The following RAD51B variants were observed in gnomAD, a reference collection of about 807,000 sequenced individuals.
The protein encoded by RAD51B is DNA repair protein RAD51 homolog 2.
RAD51B carries 38 observed loss-of-function variants against 42.2 expected under a neutral mutation model. The observed-to-expected ratio is 0.90, with a 90% CI of 0.70 to 1.18. The LOEUF is 1.18. RAD51B is among the 50% of genes most tolerant of loss of function. The pLI, the probability that RAD51B is intolerant of heterozygous loss-of-function variation, is 0.00. For missense variants in RAD51B, 373 were observed against 400.7 expected (o/e 0.93, Z 0.59); for synonymous variants, 154 against 145.2 (o/e 1.06, Z -0.43).
intron 7 of RAD51B, among the ~76,000 whole-genome samples, chr14:68,035,721 AG>A (rs1405537389): frequency 6.6e-6 from 1 of 152,232 alleles, no homozygotes; most frequent in Non-Finnish European, 1.5e-5. Flanking sequence ...TTCTCATGAA[AG>A]AGGCAAATGG....
intron 3 of RAD51B, among the ~76,000 whole-genome samples, chr14:67,828,228 C>T (rs2040900175): frequency 6.6e-6 from 1 of 151,992 alleles, no homozygotes; most frequent in Non-Finnish European, 1.5e-5. Flanking sequence ...ATGTGCATTT[C>T]TCTAATGATC....
chr14:68,660,368 T>C (rs77685489), intron 11 of RAD51B, among the ~76,000 whole-genome samples: 10,378 of 152,318 alleles, frequency 0.068, 502 homozygotes, highest in Middle Eastern at 0.13. Flanking sequence ...AATAAATGCT[T>C]AGTCTTTCTG....
chr14:68,649,937 C>T (rs933505191), intron 10 of RAD51B, among the ~76,000 whole-genome samples: 1 of 152,200 alleles, frequency 6.6e-6, no homozygotes, highest in Non-Finnish European at 1.5e-5. Flanking sequence ...TGCCTTAAGA[C>T]AGGCTGACCA....
At chr14:68,159,136 G>T (rs2140812214) in intron 7 of RAD51B, among the ~76,000 whole-genome samples, 1 of 152,066 alleles carries the variant, frequency 6.6e-6, no homozygotes, top group East Asian at 1.9e-4. Flanking sequence ...AGGGGAAATT[G>T]ATGGGGGTGT....
intron 7 of RAD51B, among the ~76,000 whole-genome samples, chr14:68,126,725 C>T (rs1489294284): frequency 6.6e-6 from 1 of 152,158 alleles, no homozygotes; most frequent in Non-Finnish European, 1.5e-5. Flanking sequence ...AAATTAGGTA[C>T]ACTTTCTAAC....
chr14:67,931,660 G>A (rs941870515), intron 7 of RAD51B, among the ~76,000 whole-genome samples: 6 of 151,746 alleles, frequency 4.0e-5, no homozygotes, highest in African/African-American at 1.5e-4. Context: ...CCACCACCAC[G>A]CCTGGCTAAT....
intron 10 of RAD51B, among the ~76,000 whole-genome samples, chr14:68,532,425 G>GA (rs910476844): frequency 1.3e-5 from 2 of 152,090 alleles, no homozygotes; most frequent in East Asian, 1.9e-4. Flanking sequence ...CAATTGGAAT[G>GA]AAAAAATCAT....
chr14:68,318,696 G>C (rs1309113045), intron 8 of RAD51B, among the ~76,000 whole-genome samples: 1 of 152,234 alleles, frequency 6.6e-6, no homozygotes, highest in African/African-American at 2.4e-5. Context: ...GGCTGCAGCT[G>C]TAGCTAGAGA....
intron 8 of RAD51B, among the ~76,000 whole-genome samples, chr14:68,361,775 G>A (rs1238165487): frequency 2.0e-5 from 3 of 152,028 alleles, no homozygotes; most frequent in African/African-American, 7.3e-5. Flanking sequence ...TCCCAGGTTC[G>A]AGAGATTCTT....
chr14:68,424,119 C>T (rs2084778030), intron 9 of RAD51B, among the ~76,000 whole-genome samples: 1 of 152,144 alleles, frequency 6.6e-6, no homozygotes, highest in Non-Finnish European at 1.5e-5. Context: ...ACCTAAGGGC[C>T]CAGGAGGTAT....
chr14:67,840,822 G>A (rs531981334), intron 4 of RAD51B, among the ~76,000 whole-genome samples: 2 of 130,310 alleles, frequency 1.5e-5, no homozygotes, highest in East Asian at 4.7e-4. Flanking sequence ...TTTTTTTTTT[G>A]GGACAGAGTC....
intron 7 of RAD51B, among the ~76,000 whole-genome samples, chr14:68,179,471 T>C (rs2079019334): frequency 1.3e-5 from 2 of 152,212 alleles, no homozygotes; most frequent in South Asian, 4.1e-4. Flanking sequence ...ATTTCGGAGC[T>C]ACAGATAGAA....
chr14:68,354,216 G>GTTTTTTT (rs3075406), intron 8 of RAD51B, among the ~76,000 whole-genome samples: 5 of 110,480 alleles, frequency 4.5e-5, no homozygotes, highest in Admixed American at 1.0e-4. Context: ...TGGTTTTTTG[G>GTTTTTTT]TTTTTTTTTT....
At chr14:68,497,422 G>T in intron 10 of RAD51B, 2 of 1,102,546 alleles carry the variant, frequency 1.8e-6, no homozygotes, top group African/African-American at 1.6e-5. Context: ...CTGACAATGG[G>T]CACACAGGGA....
chr14:68,181,228 C>G (rs2079055522), intron 7 of RAD51B, among the ~76,000 whole-genome samples: 1 of 152,220 alleles, frequency 6.6e-6, no homozygotes, highest in African/African-American at 2.4e-5. Flanking sequence ...TATCCAGTGA[C>G]TCTGGAAGGT....
At chr14:68,304,169 C>CA (rs34488488) in intron 8 of RAD51B, among the ~76,000 whole-genome samples, 75,896 of 139,890 alleles carry the variant, frequency 0.54, 21,369 homozygotes, top group South Asian at 0.72. Context: ...GACTCTGTCT[C>CA]AAAAAAAAAA....
chr14:67,898,300 A>G (rs2043490808), intron 7 of RAD51B, among the ~76,000 whole-genome samples: 1 of 152,258 alleles, frequency 6.6e-6, no homozygotes. Flanking sequence ...CCTGGAAGAC[A>G]TTACGCTAAA....
At chr14:67,951,234 C>T (rs575635710) in intron 7 of RAD51B, among the ~76,000 whole-genome samples, 6 of 152,206 alleles carry the variant, frequency 3.9e-5, no homozygotes, top group South Asian at 2.1e-4. Context: ...TATGCCTGTA[C>T]GTAGTTGGTG....
chr14:68,337,363 G>T (rs2139823118), intron 8 of RAD51B, among the ~76,000 whole-genome samples: 1 of 152,314 alleles, frequency 6.6e-6, no homozygotes, highest in Admixed American at 6.5e-5. Context: ...TACCCCCTCA[G>T]AACCTTAAAT....
Sources: allele counts gnomAD v4.1 joint callset (sites outside exome capture counted in the v4.1 genomes callset), GRCh38; gene constraint gnomAD v4.1.1; transcripts MANE v1.5; gene names NCBI Gene and HGNC (gene_info 2026-07-23, HGNC 2026-07-21).